The following KLHL1 variants were observed in gnomAD, a reference collection of about 807,000 sequenced individuals.
KLHL1 encodes kelch-like protein 1.
In KLHL1, 47 loss-of-function variants were observed where a neutral mutation model predicts 77.7. The ratio of observed to expected loss-of-function variants is 0.60; its 90% CI spans 0.48 to 0.77. KLHL1 has a LOEUF of 0.77. Ranked by LOEUF, KLHL1 falls within the 30% of genes least tolerant of loss-of-function variation. The pLI is 0.00. For synonymous variants in KLHL1, 360 were observed against 325.2 expected, an observed-to-expected ratio of 1.11 and a Z score of -1.15; for missense variants, 925 against 910.8, an observed-to-expected ratio of 1.02 and a Z score of -0.20.
At chr13:69,793,024 T>C (rs1876936680) in intron 7 of KLHL1, among the ~76,000 whole-genome samples, 2 of 152,100 alleles carry the variant, frequency 1.3e-5, no homozygotes, top group South Asian at 4.1e-4. Context: ...ATTAACTTTA[T>C]GATATGTGAA....
intron 2 of KLHL1, among the ~76,000 whole-genome samples, chr13:69,972,525 T>G (rs1282412231): frequency 1.3e-5 from 2 of 151,866 alleles, no homozygotes; most frequent in African/African-American, 2.4e-5. Context: ...ATACATCTGT[T>G]GATACATTTC....
At chr13:69,765,985 C>T (rs1875283093) in intron 7 of KLHL1, among the ~76,000 whole-genome samples, 1 of 152,140 alleles carries the variant, frequency 6.6e-6, no homozygotes, top group Admixed American at 6.5e-5. Flanking sequence ...ACAGATTCAG[C>T]TGGGGAAGAA....
intron 4 of KLHL1, among the ~76,000 whole-genome samples, chr13:69,890,054 TA>T (rs955722739): frequency 9.2e-5 from 14 of 151,962 alleles, no homozygotes; most frequent in Admixed American, 2.0e-4. Flanking sequence ...TATATAAATT[TA>T]AAAAAAGAAA....
chr13:69,934,964 ATATATATATATATATATATATATATG>A (rs1442138481), intron 4 of KLHL1, among the ~76,000 whole-genome samples: 2 of 35,308 alleles, frequency 5.7e-5, no homozygotes, highest in East Asian at 4.0e-4. Context: ...GTGCATGTGT[ATATATATATATATATATATATATATG>A]TATATATATA....
At chr13:69,855,376 AT>A (rs1566329950) in intron 5 of KLHL1, among the ~76,000 whole-genome samples, 7,814 of 150,462 alleles carry the variant, frequency 0.052, 328 homozygotes, top group African/African-American at 0.081. Flanking sequence ...AGAGAGATAG[AT>A]CTATAGATAG....
chr13:69,883,256 A>G (rs988449802), intron 4 of KLHL1, among the ~76,000 whole-genome samples: 12 of 152,072 alleles, frequency 7.9e-5, no homozygotes, highest in African/African-American at 2.7e-4. Flanking sequence ...ATTTTGGTTC[A>G]AATTTCTTGT....
At chr13:69,775,111 A>C (rs1481120314) in intron 7 of KLHL1, among the ~76,000 whole-genome samples, 6 of 152,132 alleles carry the variant, frequency 3.9e-5, no homozygotes, top group Admixed American at 3.9e-4. Context: ...GAATGAAAAA[A>C]CATGTCTAAT....
In KLHL1 at chr13:70,087,639, A is replaced by G. The variant is rs554891701; in HGVS notation, c.497+19564T>C. 5.3e-5 allele frequency among the ~76,000 whole-genome samples: 8 copies of G among 151,506 alleles called. No individual in the cohort carries two copies. In the South Asian group the frequency reaches 1.7e-3, roughly 31 times the overall value. On this transcript the variant is annotated intron_variant, in intron 1 of 10. Coordinates refer to ENST00000377844, the MANE Select transcript of KLHL1 (RefSeq NM_020866.3). ...TCTTGGCCCAGCAAACACAAAGTCC[A>G]CTGTTTCTTTTCAGATATCCTTTGA...
chr13:69,962,691 A>G (rs934306067), intron 2 of KLHL1, among the ~76,000 whole-genome samples: 1 of 151,968 alleles, frequency 6.6e-6, no homozygotes, highest in Admixed American at 6.6e-5. Context: ...AATGAAAAAA[A>G]TTATGATATT....
intron 4 of KLHL1, among the ~76,000 whole-genome samples, chr13:69,892,385 T>C (rs2138211069): frequency 6.6e-6 from 1 of 152,272 alleles, no homozygotes; most frequent in South Asian, 2.1e-4. Context: ...TGATTTCCAG[T>C]GCTTGATGAA....
rs529995023 is a variant in KLHL1, at chr13:69,739,741, G to T, written c.1802+653C>A. On this transcript the variant is annotated intron_variant, in intron 8 of 10. Coordinates refer to ENST00000377844, the MANE Select transcript of KLHL1 (RefSeq NM_020866.3). The stretch of plus-strand genomic sequence containing the variant: ...AGACTGAAGAGAAAATAATTTAAAA[G>T]ATCAGACTAGAAGCTGTTGCAGTTT... Among the ~76,000 whole-genome samples, 13 of 152,306 alleles carry T rather than the reference G, an allele frequency of 8.5e-5. No individual in the cohort carries two copies. In the East Asian group the frequency reaches 1.7e-3, roughly 20 times the overall value.
intron 1 of KLHL1, among the ~76,000 whole-genome samples, chr13:70,054,918 G>A (rs926933912): frequency 3.9e-5 from 6 of 151,950 alleles, no homozygotes; most frequent in Non-Finnish European, 8.8e-5. Context: ...GGAAATACAT[G>A]TGAAAGAACT....
intron 1 of KLHL1, among the ~76,000 whole-genome samples, chr13:70,101,185 A>G (rs1489646038): frequency 3.3e-5 from 5 of 152,142 alleles, no homozygotes; most frequent in Non-Finnish European, 7.4e-5. Context: ...TTTCTAAACA[A>G]TTTGAAATAG....
chr13:69,988,579 T>C (rs777100102), intron 1 of KLHL1, among the ~76,000 whole-genome samples: 1 of 152,080 alleles, frequency 6.6e-6, no homozygotes, highest in Non-Finnish European at 1.5e-5. Context: ...TCTCCACCAG[T>C]AGAGTGTAAG....
At chr13:69,775,113 A>G (rs1344284400) in intron 7 of KLHL1, among the ~76,000 whole-genome samples, 1 of 152,174 alleles carries the variant, frequency 6.6e-6, no homozygotes, top group African/African-American at 2.4e-5. Flanking sequence ...ATGAAAAAAC[A>G]TGTCTAATGA....
At chr13:69,950,333 G>A (rs890837201) in intron 3 of KLHL1, among the ~76,000 whole-genome samples, 3 of 149,566 alleles carry the variant, frequency 2.0e-5, no homozygotes, top group African/African-American at 7.3e-5. Context: ...CATTTGAAGA[G>A]AACAAGGAAT....
chr13:70,028,066 G>A (rs907359910), intron 1 of KLHL1, among the ~76,000 whole-genome samples: 1 of 152,096 alleles, frequency 6.6e-6, no homozygotes, highest in African/African-American at 2.4e-5. Context: ...CAAGGTGTAG[G>A]TAAGGTCAGA....
chr13:69,768,255 A>T (rs1875401388), intron 7 of KLHL1, among the ~76,000 whole-genome samples: 1 of 152,184 alleles, frequency 6.6e-6, no homozygotes, highest in Non-Finnish European at 1.5e-5. Flanking sequence ...TTGTATTAAA[A>T]GAATTTAGAG....
intron 3 of KLHL1, among the ~76,000 whole-genome samples, chr13:69,952,972 T>C (rs1361105168): frequency 6.6e-6 from 1 of 151,354 alleles, no homozygotes; most frequent in African/African-American, 2.4e-5. Context: ...TAAAATAATG[T>C]TTTCAAAGAT....
Sources: allele counts gnomAD v4.1 joint callset (sites outside exome capture counted in the v4.1 genomes callset), GRCh38; gene constraint gnomAD v4.1.1; transcripts MANE v1.5; gene names NCBI Gene and HGNC (gene_info 2026-07-23, HGNC 2026-07-21).